Variants in RFX7 observed in about 807,000 individuals in gnomAD.
RFX7 encodes the protein regulatory factor X7.
Under a neutral mutation model 111.8 loss-of-function variants are expected in RFX7, and 26 were observed. The ratio of observed to expected loss-of-function variants is 0.23; its 90% CI spans 0.17 to 0.32. The LOEUF (loss-of-function observed/expected upper bound fraction) is 0.32, where lower values mean the gene tolerates loss of function less well. Ranked by LOEUF, RFX7 falls within the 10% of genes least tolerant of loss-of-function variation. The pLI is 1.00. For synonymous variants in RFX7, 624 were observed against 624.4 expected (o/e 1.00, Z 0.01); for missense variants, 1,573 against 1,772.9 (o/e 0.89, Z 2.02).
At position 56,095,794 on chromosome 15, in the gene RFX7, A is replaced by C; in HGVS notation, c.1934T>G (p.Ile645Ser). ...SSSSPPNGDS[I>S]NKDPKLCTKS... ...AGTGCATAATTTAGGGTCTTTATTG[A>C]TTGAGTCACCATTAGGTGGTGAGCT... Residue 645 changes from isoleucine to serine, a missense_variant, in exon 10 of 10, where the codon ATC becomes AGC. Physicochemically the swap from Ile to Ser is moderately radical, Grantham distance 142. Coordinates refer to ENST00000559447, the MANE Select transcript of RFX7 (RefSeq NM_022841.7). 6.2e-7 allele frequency: 1 copy of C among 1,612,908 alleles called. No homozygotes were observed. Among genetic ancestry groups the C allele is most frequent in the East Asian group, 2.2e-5 (1 of 44,882 alleles).
intron 3 of RFX7, among the ~76,000 whole-genome samples, chr15:56,165,187 G>A (rs1308849819): frequency 1.3e-5 from 2 of 152,194 alleles, no homozygotes; most frequent in Non-Finnish European, 2.9e-5. Flanking sequence ...ATGCTTGCTC[G>A]CCTGCTGCTC....
At chr15:56,175,304 C>T (rs1388308111) in intron 3 of RFX7, among the ~76,000 whole-genome samples, 3 of 152,100 alleles carry the variant, frequency 2.0e-5, no homozygotes, top group African/African-American at 7.2e-5. Flanking sequence ...TGGAGATACA[C>T]CAAGCTCATG....
At chr15:56,197,516 GT>G (rs553035980) in intron 2 of RFX7, among the ~76,000 whole-genome samples, 26 of 151,244 alleles carry the variant, frequency 1.7e-4, no homozygotes, top group African/African-American at 6.1e-4. Context: ...TGATGTGATA[GT>G]TTTTTTTTCA....
intron 5 of RFX7, among the ~76,000 whole-genome samples, chr15:56,126,415 T>C (rs1026787538): frequency 1.3e-5 from 2 of 152,196 alleles, no homozygotes; most frequent in Non-Finnish European, 2.9e-5. Flanking sequence ...TTGGAGTGTT[T>C]TGCAAATCCT....
At chr15:56,240,599 C>A (rs1255314943) in intron 2 of RFX7, among the ~76,000 whole-genome samples, 1 of 152,066 alleles carries the variant, frequency 6.6e-6, no homozygotes, top group Non-Finnish European at 1.5e-5. Context: ...CAAGTACAGA[C>A]TTGTTTGTGA....
intron 5 of RFX7, among the ~76,000 whole-genome samples, chr15:56,137,228 G>A (rs1332121557): frequency 6.6e-6 from 1 of 152,070 alleles, no homozygotes; most frequent in Non-Finnish European, 1.5e-5. Context: ...GAATTCGGCT[G>A]TGCATCCATC....
At chr15:56,200,932 C>CT (rs562452093) in intron 2 of RFX7, among the ~76,000 whole-genome samples, 253 of 145,882 alleles carry the variant, frequency 1.7e-3, no homozygotes, top group African/African-American at 5.2e-3. Flanking sequence ...ATGTACAAGT[C>CT]TTTTTTTTTT....
intron 5 of RFX7, 43 bp from the exon 6 acceptor site, chr15:56,103,713 A>T (rs1314070113): frequency 3.4e-6 from 4 of 1,187,156 alleles, no homozygotes; most frequent in Non-Finnish European, 4.9e-6. Flanking sequence ...CAGAATTCAG[A>T]ATTATATCGC....
chr15:56,109,701 C>G (rs1479085735), intron 5 of RFX7, among the ~76,000 whole-genome samples: 48 of 152,058 alleles, frequency 3.2e-4, no homozygotes, highest in African/African-American at 1.1e-3. Context: ...CCCTGTCGCC[C>G]CGTCCGGGAT....
intron 3 of RFX7, among the ~76,000 whole-genome samples, chr15:56,171,819 G>A (rs539663519): frequency 2.0e-5 from 3 of 152,122 alleles, no homozygotes; most frequent in Non-Finnish European, 4.4e-5. Flanking sequence ...GTGACATCCA[G>A]GTAAAACTGA....
At chr15:56,209,514 G>A (rs1408742319) in intron 2 of RFX7, among the ~76,000 whole-genome samples, 1 of 152,028 alleles carries the variant, frequency 6.6e-6, no homozygotes, top group Non-Finnish European at 1.5e-5. Context: ...AAAAGTGCAG[G>A]TAAAATCAAG....
chr15:56,243,068 CTTT>C, intron 2 of RFX7, 54 bp downstream of exon 2: 1 of 1,245,106 alleles, frequency 8.0e-7, no homozygotes, highest in Non-Finnish European at 1.1e-6. Flanking sequence ...CCCCCACCCA[CTTT>C]GCAGCAGAAA....
intron 2 of RFX7, among the ~76,000 whole-genome samples, chr15:56,192,169 A>G (rs1418019075): frequency 1.3e-5 from 2 of 152,130 alleles, no homozygotes; most frequent in African/African-American, 4.8e-5. Flanking sequence ...TAATGGTGGA[A>G]TCTGTTACTA....
chr15:56,213,510 G>C (rs930114638), intron 2 of RFX7, among the ~76,000 whole-genome samples: 3 of 152,198 alleles, frequency 2.0e-5, no homozygotes, highest in Admixed American at 1.3e-4. Context: ...GAACAGATTA[G>C]TGACTGCCAA....
chr15:56,138,818 C>G (rs1393476636), intron 5 of RFX7, among the ~76,000 whole-genome samples: 3 of 151,982 alleles, frequency 2.0e-5, no homozygotes, highest in Non-Finnish European at 4.4e-5. Context: ...CTGGTGGTGA[C>G]AAAATCTCTC....
intron 3 of RFX7, among the ~76,000 whole-genome samples, chr15:56,158,691 G>A (rs1231195387): frequency 6.6e-6 from 1 of 151,954 alleles, no homozygotes; most frequent in Admixed American, 6.6e-5. Flanking sequence ...GTGTGGTGGT[G>A]CATACCTGTA....
At chr15:56,218,729 T>C (rs916674657) in intron 2 of RFX7, among the ~76,000 whole-genome samples, 8 of 152,150 alleles carry the variant, frequency 5.3e-5, no homozygotes, top group Non-Finnish European at 1.2e-4. Context: ...CTCTCTCAAA[T>C]AATAATGGTA....
chr15:56,112,687 A>G (rs1396426618), intron 5 of RFX7, among the ~76,000 whole-genome samples: 3 of 152,226 alleles, frequency 2.0e-5, no homozygotes, highest in Non-Finnish European at 4.4e-5. Flanking sequence ...CTGCACAGCA[A>G]AAGAAACTAT....
chr15:56,145,699 CT>C (rs2042458917), intron 3 of RFX7, among the ~76,000 whole-genome samples: 1 of 152,174 alleles, frequency 6.6e-6, no homozygotes, highest in South Asian at 2.1e-4. Flanking sequence ...GTGTGTTTAA[CT>C]CTTTTTCTCT....
Sources: gnomAD v4.1 joint callset for allele counts (sites outside exome capture counted in the v4.1 genomes callset) on GRCh38, gnomAD v4.1.1 for gene constraint, MANE v1.5 for transcripts, NCBI Gene and HGNC (gene_info 2026-07-23, HGNC 2026-07-21) for gene names.